Variants in EPHA6 observed in about 807,000 individuals in gnomAD.
EPHA6 encodes EPH receptor A6.
In EPHA6, 50 loss-of-function variants were observed where a neutral mutation model predicts 112.0. The ratio of observed to expected loss-of-function variants is 0.45; its 90% CI spans 0.36 to 0.56. EPHA6 has a LOEUF of 0.56. EPHA6 is among the 20% of genes least tolerant of loss of function. The pLI, the probability that EPHA6 is intolerant of heterozygous loss-of-function variation, is 0.00. For missense variants in EPHA6, 1,280 were observed against 1,417.4 expected (o/e 0.90, Z 1.56); for synonymous variants, 529 against 490.7 (o/e 1.08, Z -1.03).
chr3:97,340,591 A>G (rs1377131349), intron 5 of EPHA6, among the ~76,000 whole-genome samples: 1 of 152,208 alleles, frequency 6.6e-6, no homozygotes, highest in Admixed American at 6.5e-5. Flanking sequence ...TCAGGCTACC[A>G]TAACAAAATA....
At chr3:97,011,961 T>C (rs1316805166) in intron 3 of EPHA6, among the ~76,000 whole-genome samples, 1 of 152,170 alleles carries the variant, frequency 6.6e-6, no homozygotes, top group Non-Finnish European at 1.5e-5. Context: ...TGCTGCCTTA[T>C]CCATGTTGCA....
At chr3:97,593,780 C>A (rs919483355) in intron 12 of EPHA6, among the ~76,000 whole-genome samples, 40 of 152,230 alleles carry the variant, frequency 2.6e-4, no homozygotes, top group African/African-American at 9.6e-4. Flanking sequence ...TATAAATATG[C>A]TTTGAAGTCA....
intron 2 of EPHA6, among the ~76,000 whole-genome samples, chr3:96,950,491 T>G (rs550997943): frequency 1.4e-4 from 22 of 152,250 alleles, no homozygotes; most frequent in African/African-American, 5.3e-4. Context: ...GAACTGTGTC[T>G]TTTTCTCAGT....
chr3:97,548,570 C>CAATT (rs1306190209), intron 11 of EPHA6, among the ~76,000 whole-genome samples: 6 of 152,120 alleles, frequency 3.9e-5, no homozygotes, highest in Non-Finnish European at 7.3e-5. Flanking sequence ...CTGTATTTGT[C>CAATT]AATTAGAATT....
intron 6 of EPHA6, among the ~76,000 whole-genome samples, chr3:97,406,561 A>G (rs1009623461): frequency 1.3e-5 from 2 of 152,182 alleles, no homozygotes; most frequent in Admixed American, 6.6e-5. Context: ...AAATTAAAAC[A>G]TAAGCTTGGC....
At chr3:97,694,896 T>C (rs1242366177) in intron 14 of EPHA6, among the ~76,000 whole-genome samples, 1 of 152,248 alleles carries the variant, frequency 6.6e-6, no homozygotes, top group Non-Finnish European at 1.5e-5. Context: ...TTGACCTTCA[T>C]GCGAATTCCA....
chr3:96,993,356 G>A (rs1219811080), intron 3 of EPHA6, among the ~76,000 whole-genome samples: 1 of 150,940 alleles, frequency 6.6e-6, no homozygotes, highest in Non-Finnish European at 1.5e-5. Flanking sequence ...GAGTACAGTG[G>A]CGCGATCTTG....
At position 97,359,452 on chromosome 3, in the gene EPHA6, GT is replaced by G. The variant is rs112074834; in HGVS notation, c.1607-45686del. Among the ~76,000 whole-genome samples, 1,123 of 132,380 alleles carry G rather than the reference GT, an allele frequency of 8.5e-3. 8 individuals carry two copies. Among genetic ancestry groups the G allele is most frequent in the Non-Finnish European group, 0.011 (694 of 60,430 alleles). The allele number at this position is 132,380 out of a possible 152,430, so 86.8% of individuals were successfully genotyped here. A position where few individuals can be genotyped will look rare whatever the true frequency, so the allele number is the denominator to read the frequency against. ...GATATTTCCATTTTGTTCATACATT[GT>G]TTTTTTTTTTTAATTCTCTATACTT... On this transcript the variant is annotated intron_variant, in intron 5 of 17. Coordinates refer to ENST00000389672, the MANE Select transcript of EPHA6 (RefSeq NM_001080448.3).
chr3:97,683,672 T>C (rs1034468239), intron 14 of EPHA6, among the ~76,000 whole-genome samples: 1 of 152,038 alleles, frequency 6.6e-6, no homozygotes, highest in Non-Finnish European at 1.5e-5. Context: ...TGGGGCAGGG[T>C]GGCTTGAGGG....
At chr3:96,975,138 G>C (rs556539820) in intron 2 of EPHA6, among the ~76,000 whole-genome samples, 25 of 152,180 alleles carry the variant, frequency 1.6e-4, no homozygotes, top group South Asian at 1.2e-3. Flanking sequence ...GGGCAATAGG[G>C]GTGGTCTATA....
intron 3 of EPHA6, among the ~76,000 whole-genome samples, chr3:97,159,341 C>G (rs774929260): frequency 6.6e-6 from 1 of 152,038 alleles, no homozygotes; most frequent in Non-Finnish European, 1.5e-5. Context: ...GTAGTCTTAA[C>G]TTCCAGTTCA....
At chr3:97,643,076 G>A (rs1004312511) in intron 14 of EPHA6, among the ~76,000 whole-genome samples, 1 of 152,224 alleles carries the variant, frequency 6.6e-6, no homozygotes, top group African/African-American at 2.4e-5. Flanking sequence ...AAGCCCATCC[G>A]ACTAACAGTG....
At chr3:97,018,895 G>A (rs1463250224) in intron 3 of EPHA6, among the ~76,000 whole-genome samples, 5 of 152,242 alleles carry the variant, frequency 3.3e-5, no homozygotes, top group South Asian at 2.1e-4. Flanking sequence ...GCCTGGCAAC[G>A]GGCGTCTTCC....
At chr3:97,354,404 T>C (rs1269316818) in intron 5 of EPHA6, among the ~76,000 whole-genome samples, 1 of 152,098 alleles carries the variant, frequency 6.6e-6, no homozygotes, top group Middle Eastern at 3.2e-3. Context: ...TTCAAAATCC[T>C]GTGAGATGAA....
In EPHA6 at chr3:96,987,639, A is replaced by T; in HGVS notation, c.760A>T (p.Met254Leu). ...TGCTGCTGATGAGAGTTTTACCCAG[A>T]TGGATTTGGGTGATCGCATCCTCAA... ...TIAADESFTQ[M>L]DLGDRILKLN... Residue 254 changes from methionine (M) to leucine (L), a missense_variant, in exon 3 of 18, where the codon ATG (methionine) becomes TTG (leucine). Physicochemically the swap from Met to Leu is conservative, Grantham distance 15 (BLOSUM62 2). Around this residue, in one of 4 missense-constraint regions of EPHA6, gnomAD observed 878 missense variants for 999.7 expected, o/e 0.88. Coordinates refer to ENST00000389672, the MANE Select transcript of EPHA6 (RefSeq NM_001080448.3). 6.2e-7 allele frequency: 1 copy of T among 1,610,720 alleles called. No homozygotes were observed. The highest frequency in any genetic ancestry group is 8.5e-7 in the Non-Finnish European group (1 of 1,177,334).
At chr3:96,983,738 G>A (rs2042905746) in intron 2 of EPHA6, among the ~76,000 whole-genome samples, 1 of 152,120 alleles carries the variant, frequency 6.6e-6, no homozygotes. Flanking sequence ...ATTTCTTGGA[G>A]GCTTTGTTCA....
chr3:97,214,942 C>A (rs2077991079), intron 3 of EPHA6, among the ~76,000 whole-genome samples: 1 of 152,106 alleles, frequency 6.6e-6, no homozygotes, highest in South Asian at 2.1e-4. Context: ...ATAAATGATA[C>A]TGTTTTTGCC....
chr3:97,105,500 A>G (rs1290651737), intron 3 of EPHA6, among the ~76,000 whole-genome samples: 1 of 152,080 alleles, frequency 6.6e-6, no homozygotes, highest in Non-Finnish European at 1.5e-5. Flanking sequence ...TTTCTATTGG[A>G]CTATTGTCCA....
intron 3 of EPHA6, among the ~76,000 whole-genome samples, chr3:97,180,304 G>T (rs137910324): frequency 1.5e-4 from 23 of 152,096 alleles, no homozygotes; most frequent in Admixed American, 7.9e-4. Context: ...CTGGCCCAGG[G>T]CATGTCCAGA....
Sources: allele counts gnomAD v4.1 joint callset (sites outside exome capture counted in the v4.1 genomes callset), GRCh38; gene constraint gnomAD v4.1.1; regional missense constraint gnomAD v4.1.1; transcripts MANE v1.5; gene names NCBI Gene and HGNC (gene_info 2026-07-23, HGNC 2026-07-21).